Variants in GRK3 observed in about 807,000 individuals in gnomAD.
GRK3 encodes G protein-coupled receptor kinase 3.
Under a neutral mutation model 95.7 loss-of-function variants are expected in GRK3, and 54 were observed. The ratio of observed to expected loss-of-function variants is 0.56; its 90% CI spans 0.45 to 0.71. GRK3 has a LOEUF of 0.71. GRK3 is among the 30% of genes least tolerant of loss of function. The pLI is 0.00. For synonymous variants in GRK3, 281 were observed against 290.8 expected, an observed-to-expected ratio of 0.97 and a Z score of 0.34; for missense variants, 649 against 851.2, an observed-to-expected ratio of 0.76 and a Z score of 2.96.
chr22:25,665,148 T>C (rs2084933654), intron 5 of GRK3, among the ~76,000 whole-genome samples: 1 of 152,204 alleles, frequency 6.6e-6, no homozygotes, highest in African/African-American at 2.4e-5. Flanking sequence ...AAGGGAGGTC[T>C]TGATTCAGTG....
intron 1 of GRK3, among the ~76,000 whole-genome samples, chr22:25,589,018 G>T (rs1052648047): frequency 1.3e-5 from 2 of 152,108 alleles, no homozygotes; most frequent in Admixed American, 1.3e-4. Flanking sequence ...TGATGCTTCT[G>T]CCTCAGCCTC....
At chr22:25,721,598 G>T (rs1423780807) in intron 20 of GRK3, among the ~76,000 whole-genome samples, 2 of 152,162 alleles carry the variant, frequency 1.3e-5, no homozygotes, top group Non-Finnish European at 2.9e-5. Context: ...GAGGATGCAG[G>T]TGAAATAATG....
chr22:25,710,105 C>G, intron 16 of GRK3, 141 bp downstream of exon 16: 1 of 704,812 alleles, frequency 1.4e-6, no homozygotes, highest in Non-Finnish European at 2.6e-6. Context: ...CCACCCACCT[C>G]CCCCAGCATC....
chr22:25,657,478 T>A (rs1244404358), intron 3 of GRK3, among the ~76,000 whole-genome samples: 1 of 152,180 alleles, frequency 6.6e-6, no homozygotes, highest in Non-Finnish European at 1.5e-5. Flanking sequence ...TTAATACAGA[T>A]GTAGACACTT....
At chr22:25,584,811 CTT>C (rs1400232900) in intron 1 of GRK3, among the ~76,000 whole-genome samples, 1 of 152,256 alleles carries the variant, frequency 6.6e-6, no homozygotes, top group African/African-American at 2.4e-5. Context: ...ATTTGAGAAA[CTT>C]AGATACAGGG....
chr22:25,577,792 A>T (rs1171785672), intron 1 of GRK3, among the ~76,000 whole-genome samples: 1 of 152,218 alleles, frequency 6.6e-6, no homozygotes, highest in East Asian at 1.9e-4. Context: ...AATTGCAGTG[A>T]ATGTTCTTAC....
intron 1 of GRK3, among the ~76,000 whole-genome samples, chr22:25,571,896 T>G (rs1931711290): frequency 6.6e-6 from 1 of 152,174 alleles, no homozygotes. Flanking sequence ...AGGGTACATG[T>G]GCACAACATG....
At chr22:25,634,137 T>C (rs2084683494) in intron 2 of GRK3, among the ~76,000 whole-genome samples, 1 of 152,342 alleles carries the variant, frequency 6.6e-6, no homozygotes, top group African/African-American at 2.4e-5. Flanking sequence ...AATCTTAGAG[T>C]TGAAAAAATT....
Position 25,604,391 on chromosome 22 carries a change from T to C in GRK3, c.128T>C (p.Met43Thr), listed in dbSNP as rs1224160903. 1 of 1,611,914 alleles carries C rather than the reference T, an allele frequency of 6.2e-7. No homozygotes were observed. The highest frequency in any genetic ancestry group is 8.5e-7 in the Non-Finnish European group (1 of 1,179,072). ...TTCCCTTCCAGTATCCGGAGTGTGATGCAGAAGTACCTTGCAGAGAGAAAT... is the reference window on the plus strand; with the variant it reads ...TTCCCTTCCAGTATCCGGAGTGTGACGCAGAAGTACCTTGCAGAGAGAAAT... Reference protein sequence around the residue: ...VLPEPSIRSVMQKYLAERNEI... With the variant: ...VLPEPSIRSVTQKYLAERNEI... The change falls in exon 2 of 21, where the codon ATG becomes ACG. Residue 43 changes from methionine to threonine, a missense_variant. Physicochemically the swap from Met to Thr is moderately conservative, Grantham distance 81. This residue lies in a region of GRK3 where 206 missense variants were observed against 231.4 expected (regional missense o/e 0.89). Transcript: ENST00000324198.
At chr22:25,578,557 G>A (rs778024772) in intron 1 of GRK3, among the ~76,000 whole-genome samples, 102 of 152,268 alleles carry the variant, frequency 6.7e-4, no homozygotes, top group Non-Finnish European at 1.1e-3. Flanking sequence ...CTGAGTTTAA[G>A]ATAAAGAGAT....
rs545523141 is a variant in GRK3, at chr22:25,700,073, A to T, written c.1161-3437A>T. ...CTTCTGCTGAAACACCTTTCTGCAC[A>T]CTTCATTTTGTCTTTATCCCCTACA... On this transcript the variant is annotated intron_variant, in intron 13 of 20. Transcript: ENST00000324198. Among the ~76,000 whole-genome samples, 25 of 152,272 alleles carry T rather than the reference A, an allele frequency of 1.6e-4. No homozygotes were observed. The Middle Eastern group carries it at 0.01, about 62-fold the overall frequency.
At chr22:25,639,361 A>G (rs1360836138) in intron 2 of GRK3, among the ~76,000 whole-genome samples, 2 of 152,166 alleles carry the variant, frequency 1.3e-5, no homozygotes, top group Non-Finnish European at 2.9e-5. Context: ...TTAATTCTTT[A>G]TAAGGTGTGA....
At chr22:25,654,347 T>C (rs1486179400) in intron 3 of GRK3, among the ~76,000 whole-genome samples, 1 of 152,198 alleles carries the variant, frequency 6.6e-6, no homozygotes, top group Non-Finnish European at 1.5e-5. Context: ...TTAGTCATCA[T>C]TGTAAAAATT....
chr22:25,701,990 A>G (rs1017898853), intron 13 of GRK3, among the ~76,000 whole-genome samples: 2 of 151,940 alleles, frequency 1.3e-5, no homozygotes, highest in African/African-American at 4.8e-5. Flanking sequence ...GTAATTGTAC[A>G]TTTTTTCCTT....
intron 9 of GRK3, among the ~76,000 whole-genome samples, chr22:25,681,958 G>A (rs886755842): frequency 7.9e-5 from 12 of 151,838 alleles, no homozygotes; most frequent in Admixed American, 3.3e-4. Context: ...GTCAGTATTC[G>A]GTTGTGTCCT....
intron 15 of GRK3, among the ~76,000 whole-genome samples, chr22:25,709,056 G>A (rs956112195): frequency 4.1e-5 from 6 of 145,004 alleles, no homozygotes; most frequent in African/African-American, 1.3e-4. Context: ...TTTTTTTTTT[G>A]AGATGGAGTC....
At chr22:25,689,493 C>T (rs901090366) in intron 11 of GRK3, among the ~76,000 whole-genome samples, 9 of 152,078 alleles carry the variant, frequency 5.9e-5, no homozygotes, top group African/African-American at 1.7e-4. Flanking sequence ...AATAGTTGAT[C>T]GCCAGCAGAA....
intron 1 of GRK3, chr22:25,580,945 A>G (rs1412368817): frequency 6.6e-6 from 1 of 152,228 alleles, no homozygotes; most frequent in Non-Finnish European, 1.5e-5. Context: ...GCAACACACC[A>G]AAACCTCATC....
At chr22:25,634,677 G>T (rs902565754) in intron 2 of GRK3, among the ~76,000 whole-genome samples, 1 of 152,110 alleles carries the variant, frequency 6.6e-6, no homozygotes, top group African/African-American at 2.4e-5. Context: ...TTAAAGTGCT[G>T]TAAGTTTTCT....
Sources: allele counts gnomAD v4.1 joint callset (sites outside exome capture counted in the v4.1 genomes callset), GRCh38; gene constraint gnomAD v4.1.1; regional missense constraint gnomAD v4.1.1; transcripts MANE v1.5; gene names NCBI Gene and HGNC (gene_info 2026-07-23, HGNC 2026-07-21).